The following NR6A1 variants were observed in gnomAD, a reference collection of about 807,000 sequenced individuals.
The protein encoded by NR6A1 is nuclear receptor subfamily 6 group A member 1.
In NR6A1, 7 loss-of-function variants were observed where a neutral mutation model predicts 59.1. The observed-to-expected ratio is 0.12, with a 90% CI of 0.07 to 0.22. The LOEUF is 0.22. Ranked by LOEUF, NR6A1 falls within the 10% of genes least tolerant of loss-of-function variation. NR6A1 has a pLI of 1.00. For missense variants in NR6A1, 468 were observed against 611.6 expected, an observed-to-expected ratio of 0.77 and a Z score of 2.48; for synonymous variants, 243 against 236.1, an observed-to-expected ratio of 1.03 and a Z score of -0.27.
At chr9:124,755,016 TA>T (rs1329662768) in intron 1 of NR6A1, among the ~76,000 whole-genome samples, 1 of 152,188 alleles carries the variant, frequency 6.6e-6, no homozygotes, top group Non-Finnish European at 1.5e-5. Flanking sequence ...AGTCTAACGT[TA>T]AAGCTCAGGC....
intron 2 of NR6A1, among the ~76,000 whole-genome samples, chr9:124,619,586 A>G (rs1836002805): frequency 6.6e-6 from 1 of 152,136 alleles, no homozygotes. Context: ...TTTTTTAAAA[A>G]AACTGCATGT....
Position 124,590,603 on chromosome 9 carries a change from G to A in NR6A1, c.143-36033C>T, listed in dbSNP as rs529887342. Among the ~76,000 whole-genome samples the A allele has an allele frequency of 3.3e-5, 5 of 152,316 alleles. No homozygotes were observed. In the South Asian group the frequency reaches 6.2e-4, roughly 19 times the overall value. On this transcript the variant is annotated intron_variant, in intron 2 of 9. Coordinates refer to ENST00000487099, the MANE Select transcript of NR6A1 (RefSeq NM_033334.4). Reference sequence around the variant, plus strand: ...GCTTAGAAAATAGTAAATACTTCATGAATGTTAGCTGCATAATAATTTTAT... The same window carrying A: ...GCTTAGAAAATAGTAAATACTTCATAAATGTTAGCTGCATAATAATTTTAT...
At chr9:124,527,030 G>T in intron 7 of NR6A1, 130 bp from the exon 8 acceptor site, 1 of 1,095,054 alleles carries the variant, frequency 9.1e-7, no homozygotes. Context: ...AGCCACTTGG[G>T]AAGTACAGGC....
chr9:124,561,918 T>G (rs1164119140), intron 2 of NR6A1, among the ~76,000 whole-genome samples: 1 of 151,812 alleles, frequency 6.6e-6, no homozygotes, highest in Non-Finnish European at 1.5e-5. Flanking sequence ...TCTCAAAAAA[T>G]AAATAAATAA....
At chr9:124,706,396 G>A (rs1159075892) in intron 2 of NR6A1, among the ~76,000 whole-genome samples, 1 of 152,026 alleles carries the variant, frequency 6.6e-6, no homozygotes, top group African/African-American at 2.4e-5. Flanking sequence ...CTCCCTTTCA[G>A]CTTGAAGAAT....
At position 124,558,871 on chromosome 9, in the gene NR6A1, C is replaced by T. The variant is rs554119774; in HGVS notation, c.143-4301G>A. ...CAACCAACCAAAAAAGCCAGGGCCC[C>T]CCTTTGTAAATGAACAAACTGAAGC... On this transcript the variant is annotated intron_variant, in intron 2 of 9. Coordinates refer to ENST00000487099, the MANE Select transcript of NR6A1 (RefSeq NM_033334.4). Among the ~76,000 whole-genome samples the T allele has an allele frequency of 7.9e-5, 12 of 152,272 alleles. No homozygotes were observed. The South Asian group carries it at 1.9e-3, about 24-fold the overall frequency.
chr9:124,557,028 T>C (rs1564177789), intron 2 of NR6A1, among the ~76,000 whole-genome samples: 1 of 152,198 alleles, frequency 6.6e-6, no homozygotes, highest in Non-Finnish European at 1.5e-5. Flanking sequence ...TCTTGAGGAC[T>C]CTACAGTTCT....
chr9:124,699,758 A>T (rs745437898), intron 2 of NR6A1, among the ~76,000 whole-genome samples: 1 of 152,204 alleles, frequency 6.6e-6, no homozygotes, highest in Non-Finnish European at 1.5e-5. Flanking sequence ...TGCATCACCC[A>T]TAAAACTCCC....
intron 2 of NR6A1, among the ~76,000 whole-genome samples, chr9:124,603,152 C>T (rs1032677007): frequency 2.0e-5 from 3 of 152,124 alleles, no homozygotes; most frequent in Middle Eastern, 3.2e-3. Flanking sequence ...TTACTCATCA[C>T]GTAGTATTTT....
At chr9:124,732,368 A>G (rs139408699) in intron 2 of NR6A1, among the ~76,000 whole-genome samples, 2 of 152,266 alleles carry the variant, frequency 1.3e-5, no homozygotes, top group East Asian at 3.9e-4. Flanking sequence ...TACACTGGAT[A>G]CTCCCATGTC....
chr9:124,767,924 C>G (rs1840985594), intron 1 of NR6A1, among the ~76,000 whole-genome samples: 1 of 152,238 alleles, frequency 6.6e-6, no homozygotes, highest in Admixed American at 6.5e-5. Flanking sequence ...TCAGCATACA[C>G]TTCCTCAAAT....
rs141496450 is a variant in NR6A1 at position 124,683,779 on chromosome 9, G to C, written c.142+49529C>G. ...TTGCACTCCAGCTTGGGCAACAAGA[G>C]TGAAACTCCATCTCAAAAATAAAAA... On this transcript the variant is annotated intron_variant, in intron 2 of 9. Transcript: ENST00000487099. Among the ~76,000 whole-genome samples the C allele has an allele frequency of 6.3e-3, 961 of 152,326 alleles. 4 individuals carry two copies. The highest frequency in any genetic ancestry group is 0.01 in the Non-Finnish European group (701 of 68,030).
chr9:124,754,734 A>G (rs1402592166), intron 1 of NR6A1, among the ~76,000 whole-genome samples: 1 of 152,212 alleles, frequency 6.6e-6, no homozygotes, highest in African/African-American at 2.4e-5. Context: ...CTGGTTTTCA[A>G]TGACTTGGAT....
chr9:124,642,344 C>A (rs899157355), intron 2 of NR6A1, among the ~76,000 whole-genome samples: 1 of 152,194 alleles, frequency 6.6e-6, no homozygotes, highest in Non-Finnish European at 1.5e-5. Flanking sequence ...GGCACTGCGC[C>A]CAGAAACTTT....
intron 2 of NR6A1, among the ~76,000 whole-genome samples, chr9:124,579,060 T>C (rs370221994): frequency 1.3e-5 from 2 of 152,182 alleles, no homozygotes; most frequent in African/African-American, 4.8e-5. Flanking sequence ...GACAGGTGGA[T>C]TGCTTGAGCC....
At chr9:124,679,348 A>C (rs556404115) in intron 2 of NR6A1, among the ~76,000 whole-genome samples, 1 of 152,290 alleles carries the variant, frequency 6.6e-6, no homozygotes, top group Non-Finnish European at 1.5e-5. Flanking sequence ...TTAAGCTGTA[A>C]ACTGACTACT....
intron 1 of NR6A1, among the ~76,000 whole-genome samples, chr9:124,735,894 T>C (rs2131135671): frequency 1.3e-5 from 2 of 152,302 alleles, no homozygotes; most frequent in Middle Eastern, 3.4e-3. Context: ...TCTCTTATAA[T>C]GGAACAATCA....
rs567929873 is a variant in NR6A1 at position 124,610,135 on chromosome 9, A to G, written c.143-55565T>C. Among the ~76,000 whole-genome samples, 90 of 152,224 alleles carry G rather than the reference A, an allele frequency of 5.9e-4. 1 individual carries two copies. In the South Asian group the frequency reaches 0.018, roughly 31 times the overall value. ...TCCTGGCCAGACCTTCCAATACCACATTGAAAAGGAGTGGTGAGAGAAGGC... is the reference window on the plus strand; with the variant it reads ...TCCTGGCCAGACCTTCCAATACCACGTTGAAAAGGAGTGGTGAGAGAAGGC... On this transcript the variant is annotated intron_variant, in intron 2 of 9. Coordinates refer to ENST00000487099, the MANE Select transcript of NR6A1 (RefSeq NM_033334.4).
At chr9:124,717,271 T>G (rs1839436350) in intron 2 of NR6A1, among the ~76,000 whole-genome samples, 1 of 152,184 alleles carries the variant, frequency 6.6e-6, no homozygotes, top group African/African-American at 2.4e-5. Context: ...CACAGGTCCA[T>G]AAAAACCTTA....
Sources: allele counts gnomAD v4.1 joint callset (sites outside exome capture counted in the v4.1 genomes callset), GRCh38; gene constraint gnomAD v4.1.1; transcripts MANE v1.5; gene names NCBI Gene and HGNC (gene_info 2026-07-23, HGNC 2026-07-21).